SP100: variants seen among roughly 807,000 people sequenced by gnomAD.
SP100 encodes the protein nuclear autoantigen Sp-100.
Under a neutral mutation model 130.0 loss-of-function variants are expected in SP100, and 84 were observed. The ratio of observed to expected loss-of-function variants is 0.65; its 90% CI spans 0.54 to 0.77. The LOEUF is 0.77. Ranked by LOEUF, SP100 falls within the 30% of genes least tolerant of loss-of-function variation. The pLI, the probability that SP100 is intolerant of heterozygous loss-of-function variation, is 0.00. For synonymous variants in SP100, 331 were observed against 351.7 expected (o/e 0.94, Z 0.66); for missense variants, 978 against 1,052.2 (o/e 0.93, Z 0.97).
At chr2:230,429,448 T>C (rs920080913) in intron 2 of SP100, among the ~76,000 whole-genome samples, 1 of 152,354 alleles carries the variant, frequency 6.6e-6, no homozygotes, top group African/African-American at 2.4e-5. Flanking sequence ...TATTGTTCAG[T>C]CTGCTTGGGC....
chr2:230,439,999 G>A (rs2063419794), intron 2 of SP100, among the ~76,000 whole-genome samples: 1 of 151,958 alleles, frequency 6.6e-6, no homozygotes. Flanking sequence ...AAATCTTTTC[G>A]AAAGGAAAGA....
chr2:230,450,061 G>A, intron 7 of SP100, 111 bp from the exon 8 acceptor site: 1 of 739,164 alleles, frequency 1.4e-6, no homozygotes, highest in Non-Finnish European at 2.3e-6. Context: ...GCAGACAGGG[G>A]TATAAGTAGA....
At position 230,449,078 on chromosome 2, in the gene SP100, T is replaced by C. The variant is rs1435245277; in HGVS notation, c.524-10T>C. The C allele has an allele frequency of 2.0e-6, 3 of 1,520,694 alleles. No homozygotes were observed. In the East Asian group the frequency reaches 6.7e-5, roughly 34 times the overall value. 94.2% of individuals were successfully genotyped at this position (1,520,694 alleles called of 1,614,324 possible). ...ATTTCTGAAATAAACTTCTAATTTC[T>C]TCCTGCCAGGAACTGGTGAAAACTC... On this transcript the variant is annotated splice_polypyrimidine_tract_variant and intron_variant, in intron 5 of 28. Transcript: ENST00000340126.
At chr2:230,499,235 T>G (rs2150056826) in intron 19 of SP100, among the ~76,000 whole-genome samples, 1 of 151,732 alleles carries the variant, frequency 6.6e-6, no homozygotes, top group African/African-American at 2.4e-5. Context: ...ACATAGAGGC[T>G]CTAAAATGCA....
chr2:230,534,971 T>G (rs112307842), intron 24 of SP100, among the ~76,000 whole-genome samples: 4,722 of 151,540 alleles, frequency 0.031, 125 homozygotes, highest in Non-Finnish European at 0.05. Context: ...CCAAGACGGG[T>G]GGATCACAAG....
intron 2 of SP100, among the ~76,000 whole-genome samples, chr2:230,419,429 C>T (rs538654790): frequency 6.6e-6 from 1 of 152,300 alleles, no homozygotes; most frequent in Non-Finnish European, 1.5e-5. Context: ...GATCGACTGT[C>T]CTGGTATAAC....
At chr2:230,440,214 A>C (rs1336539889) in intron 2 of SP100, among the ~76,000 whole-genome samples, 1 of 152,106 alleles carries the variant, frequency 6.6e-6, no homozygotes, top group African/African-American at 2.4e-5. Flanking sequence ...AAGAAACAGT[A>C]AGTCAGTCTA....
At chr2:230,500,651 G>T (rs546553293) in intron 19 of SP100, among the ~76,000 whole-genome samples, 4 of 152,162 alleles carry the variant, frequency 2.6e-5, no homozygotes, top group African/African-American at 9.7e-5. Context: ...GGAACTGTGG[G>T]GAGAAGGGAG....
intron 8 of SP100, among the ~76,000 whole-genome samples, chr2:230,460,283 A>C (rs975935673): frequency 6.6e-6 from 1 of 152,220 alleles, no homozygotes; most frequent in Non-Finnish European, 1.5e-5. Flanking sequence ...CTATAATGGA[A>C]TACTATCTAG....
At chr2:230,425,474 T>C (rs2062899467) in intron 2 of SP100, among the ~76,000 whole-genome samples, 2 of 152,174 alleles carry the variant, frequency 1.3e-5, no homozygotes, top group African/African-American at 4.8e-5. Context: ...GAAAGGATGC[T>C]GAAGTTTTCA....
At chr2:230,436,478 G>A (rs915167909) in intron 2 of SP100, among the ~76,000 whole-genome samples, 2 of 151,916 alleles carry the variant, frequency 1.3e-5, no homozygotes, top group Non-Finnish European at 2.9e-5. Context: ...AGATCTGATG[G>A]TATAAGGGCC....
intron 8 of SP100, among the ~76,000 whole-genome samples, chr2:230,457,123 G>A (rs1010617963): frequency 6.6e-6 from 1 of 152,210 alleles, no homozygotes; most frequent in African/African-American, 2.4e-5. Flanking sequence ...ACAAGGGCAG[G>A]CTTGCTGCTA....
At chr2:230,437,678 C>T (rs534376720) in intron 2 of SP100, among the ~76,000 whole-genome samples, 11 of 151,624 alleles carry the variant, frequency 7.3e-5, no homozygotes, top group Non-Finnish European at 1.3e-4. Context: ...CCTGCCTCAG[C>T]CTCCCGAGTA....
chr2:230,518,013 C>T (rs1179610550), intron 24 of SP100, among the ~76,000 whole-genome samples: 3 of 152,022 alleles, frequency 2.0e-5, no homozygotes, highest in African/African-American at 7.2e-5. Context: ...TTTTCACAAA[C>T]CTTATTATGA....
intron 23 of SP100, chr2:230,509,931 A>G (rs1366072776): frequency 2.6e-5 from 4 of 152,516 alleles, no homozygotes; most frequent in South Asian, 4.1e-4. Flanking sequence ...GGCTTGGCCA[A>G]TGAAATAATG....
chr2:230,430,569 A>G (rs1163716107), intron 2 of SP100, among the ~76,000 whole-genome samples: 2 of 152,390 alleles, frequency 1.3e-5, no homozygotes, highest in South Asian at 2.1e-4. Flanking sequence ...GGAAGGTAGC[A>G]TAAATTTCTG....
chr2:230,488,483 G>A (rs375416781), intron 17 of SP100, among the ~76,000 whole-genome samples: 3 of 152,014 alleles, frequency 2.0e-5, no homozygotes, highest in Admixed American at 6.6e-5. Context: ...GCATGATCTC[G>A]GCTCACTGCA....
intron 25 of SP100, among the ~76,000 whole-genome samples, chr2:230,539,623 G>C (rs952508704): frequency 2.0e-5 from 3 of 152,186 alleles, no homozygotes; most frequent in Non-Finnish European, 4.4e-5. Context: ...AGTAAGAGGT[G>C]TCAACTTCTA....
intron 11 of SP100, 31 bp downstream of exon 11, chr2:230,464,181 G>C: frequency 7.7e-7 from 1 of 1,303,566 alleles, no homozygotes; most frequent in Non-Finnish European, 1.1e-6. Context: ...ACCCGAGACT[G>C]TAGAATATCC....
Sources: allele counts gnomAD v4.1 joint callset (sites outside exome capture counted in the v4.1 genomes callset), GRCh38; gene constraint gnomAD v4.1.1; transcripts MANE v1.5; gene names NCBI Gene and HGNC (gene_info 2026-07-23, HGNC 2026-07-21).